The following TXLNB variants were observed in gnomAD, a reference collection of about 807,000 sequenced individuals.
TXLNB encodes beta-taxilin.
In TXLNB, 37 loss-of-function variants were observed where a neutral mutation model predicts 57.4. The ratio of observed to expected loss-of-function variants is 0.64; its 90% CI spans 0.50 to 0.85. TXLNB has a LOEUF of 0.85. Among genes scored for constraint, TXLNB ranks in the 40% least tolerant of loss-of-function variants. The pLI, the probability that TXLNB is intolerant of heterozygous loss-of-function variation, is 0.00. For missense variants in TXLNB, 848 were observed against 825.6 expected (o/e 1.03, Z -0.33); for synonymous variants, 302 against 309.6 (o/e 0.98, Z 0.26).
the TXLNB span, among the ~76,000 whole-genome samples, chr6:139,209,975 AT>A: frequency 1.3e-5 from 2 of 152,176 alleles, no homozygotes; most frequent in Non-Finnish European, 2.9e-5. Flanking sequence ...CTGACAAAGG[AT>A]TAATATCCAG....
chr6:139,252,183 G>T (rs1776223871), intron 7 of TXLNB, among the ~76,000 whole-genome samples: 1 of 152,224 alleles, frequency 6.6e-6, no homozygotes, highest in Admixed American at 6.5e-5. Context: ...ACTGAAAAGT[G>T]ACTTCTCTAG....
At chr6:139,216,117 T>A in the TXLNB span, among the ~76,000 whole-genome samples, 1 of 152,130 alleles carries the variant, frequency 6.6e-6, no homozygotes, top group Admixed American at 6.5e-5. Flanking sequence ...AGCCATCTCA[T>A]TACTGGGTAT....
At chr6:139,223,494 T>C in the TXLNB span, among the ~76,000 whole-genome samples, 1 of 152,078 alleles carries the variant, frequency 6.6e-6, no homozygotes, top group Non-Finnish European at 1.5e-5. Context: ...AGGCCAATAT[T>C]TGGTCTGTGA....
chr6:139,282,305 G>A lies in TXLNB; in HGVS notation c.425-5384C>T, dbSNP rs542646178. On this transcript the variant is annotated intron_variant, in intron 2 of 9. Transcript: ENST00000358430. ...CAAAGGAAGACTAGGGGCCGGGCGC[G>A]GTGGCTCACGTCTGCAATCCCAGCA... 3.7e-4 allele frequency among the ~76,000 whole-genome samples: 55 copies of A among 146,962 alleles called. 4 individuals carry two copies. The South Asian group carries it at 9.3e-3, about 25-fold the overall frequency.
chr6:139,256,572 C>T (rs1776346777), intron 6 of TXLNB, among the ~76,000 whole-genome samples: 1 of 152,252 alleles, frequency 6.6e-6, no homozygotes, highest in Admixed American at 6.5e-5. Context: ...TCGTGATCTG[C>T]CCGCCTCGGC....
At chr6:139,273,460 T>C (rs1438225392) in intron 3 of TXLNB, among the ~76,000 whole-genome samples, 1 of 152,268 alleles carries the variant, frequency 6.6e-6, no homozygotes, top group East Asian at 1.9e-4. Context: ...TTTATTTTTA[T>C]TTTTAATTTT....
chr6:139,244,751 T>A, intron 8 of TXLNB, 61 bp from the exon 9 acceptor site: 1 of 1,150,794 alleles, frequency 8.7e-7, no homozygotes, highest in Non-Finnish European at 1.3e-6. Flanking sequence ...AGGAAGCTAT[T>A]AGCTCCATAT....
At chr6:139,299,574 A>C in the TXLNB span, among the ~76,000 whole-genome samples, 3 of 151,922 alleles carry the variant, frequency 2.0e-5, no homozygotes, top group Non-Finnish European at 4.4e-5. Flanking sequence ...TTTGCCAGCT[A>C]TCGTGGGGTC....
chr6:139,176,887 A>G, the TXLNB span: 1 of 825,678 alleles, frequency 1.2e-6, no homozygotes, highest in Non-Finnish European at 2.1e-6. The surrounding 1 kb of genome is among the most constrained non-coding windows in gnomAD (Gnocchi z 4.5). Context: ...GATGACTTTG[A>G]CAAGTGTTGG....
In TXLNB at chr6:139,248,096, T is replaced by C. The variant is rs574751992; in HGVS notation, c.1078-187A>G. Among the ~76,000 whole-genome samples the C allele has an allele frequency of 3.9e-5, 6 of 152,246 alleles. No individual in the cohort carries two copies. In the East Asian group the frequency reaches 1.2e-3, roughly 29 times the overall value. On this transcript the variant is annotated intron_variant, in intron 7 of 9. Transcript: ENST00000358430. Reference sequence around the variant, plus strand: ...TTTAAAGAAAAATGGAAAAATAGTCTGGGCGCAGTGGCTCACGCCTGTAAT... The same window carrying C: ...TTTAAAGAAAAATGGAAAAATAGTCCGGGCGCAGTGGCTCACGCCTGTAAT...
At chr6:139,312,972 T>C in the TXLNB span, among the ~76,000 whole-genome samples, 115 of 152,350 alleles carry the variant, frequency 7.5e-4, no homozygotes, top group African/African-American at 2.7e-3. Flanking sequence ...GAAGATGGTA[T>C]TGAAGCCCAA....
chr6:139,317,103 G>A, the TXLNB span, among the ~76,000 whole-genome samples: 1 of 152,152 alleles, frequency 6.6e-6, no homozygotes, highest in Admixed American at 6.5e-5. Flanking sequence ...AGCAGAACTT[G>A]AGATAGTTTC....
In TXLNB at chr6:139,242,442, G is replaced by A. The variant is rs1775956028; in HGVS notation, c.*84C>T. The A allele has an allele frequency of 8.3e-7, 1 of 1,205,610 alleles. No individual in the cohort carries two copies. Among genetic ancestry groups the A allele is most frequent in the Admixed American group, 2.8e-5 (1 of 35,220 alleles). The allele number at this position is 1,205,610 out of a possible 1,614,324, so 74.7% of individuals were successfully genotyped here. On this transcript the variant is annotated 3_prime_UTR_variant, in exon 10 of 10. Coordinates refer to ENST00000358430, the MANE Select transcript of TXLNB (RefSeq NM_153235.4). ...AAGTCTCTTCCATTTGACATCTCTA[G>A]CCCTTAATGCCTTTTTCGGAAGACA...
At chr6:139,312,689 G>T in the TXLNB span, among the ~76,000 whole-genome samples, 2 of 152,150 alleles carry the variant, frequency 1.3e-5, no homozygotes, top group African/African-American at 4.8e-5. Context: ...CTTGGATAAG[G>T]ATTATTTTAA....
chr6:139,249,548 C>T (rs563214492), intron 7 of TXLNB, among the ~76,000 whole-genome samples: 6 of 152,336 alleles, frequency 3.9e-5, no homozygotes, highest in African/African-American at 1.4e-4. Flanking sequence ...ATCAGTGAGA[C>T]TGTCTTTTTT....
the TXLNB span, among the ~76,000 whole-genome samples, chr6:139,181,280 G>A: frequency 1.3e-5 from 2 of 152,210 alleles, no homozygotes; most frequent in South Asian, 4.1e-4. Context: ...CCCCTTATCT[G>A]CTGTTTTGCG....
chr6:139,200,913 C>T, the TXLNB span, among the ~76,000 whole-genome samples: 1 of 152,140 alleles, frequency 6.6e-6, no homozygotes, highest in Non-Finnish European at 1.5e-5. Context: ...CCATACCATG[C>T]ATCTGGGTCA....
downstream of TXLNB, among the ~76,000 whole-genome samples, chr6:139,239,864 T>C (rs1195045924): frequency 6.6e-6 from 1 of 151,076 alleles, no homozygotes; most frequent in Non-Finnish European, 1.5e-5. The surrounding 1 kb of genome is among the most constrained non-coding windows in gnomAD (Gnocchi z 4.7). Flanking sequence ...TCTCTCTGTC[T>C]GTCACATACA....
At chr6:139,203,477 C>T in the TXLNB span, 1 of 152,346 alleles carries the variant, frequency 6.6e-6, no homozygotes, top group East Asian at 1.9e-4. Flanking sequence ...CTTAACCTCT[C>T]AGCAGCACCT....
Sources: allele counts gnomAD v4.1 joint callset (sites outside exome capture counted in the v4.1 genomes callset), GRCh38; gene constraint gnomAD v4.1.1; non-coding constraint Gnocchi (gnomAD v3.1); transcripts MANE v1.5; gene names NCBI Gene and HGNC (gene_info 2026-07-23, HGNC 2026-07-21).